Variants in MTSS2 observed in about 807,000 individuals in gnomAD.
MTSS2 encodes protein MTSS 2.
MTSS2 carries 27 observed loss-of-function variants against 67.1 expected under a neutral mutation model. The observed-to-expected ratio is 0.40, with a 90% CI of 0.30 to 0.55. The LOEUF (loss-of-function observed/expected upper bound fraction) is 0.55. MTSS2 is among the 20% of genes least tolerant of loss of function. The pLI is 0.43. For missense variants in MTSS2, 1,171 were observed against 1,067.8 expected (o/e 1.10, Z -1.35); for synonymous variants, 624 against 468.6 (o/e 1.33, Z -4.28).
rs1421435409 is a variant in MTSS2, at chr16:70,679,863, C to T, written c.305G>A (p.Ser102Asn). 6.2e-7 allele frequency: 1 copy of T among 1,602,434 alleles called. No homozygotes were observed. The highest frequency in any genetic ancestry group is 8.5e-7 in the Non-Finnish European group (1 of 1,179,238). Residue 102 changes from serine to asparagine, a missense_variant, in exon 5 of 15, where the codon AGC becomes AAC. Ser to Asn is a conservative substitution (Grantham distance 46). Around this residue, in one of 2 missense-constraint regions of MTSS2, gnomAD observed 247 missense variants for 311.8 expected, o/e 0.79. Transcript: ENST00000338779. ...GCGCTCCTGCAGCGGGTTGATGAGG[C>T]TCTCCAGCAGTGCGCTGCGGAGGGC... Reference protein sequence around the residue: ...LRQFTNALLESLINPLQERIE... With the variant: ...LRQFTNALLENLINPLQERIE...
At chr16:70,678,771 C>T (rs987183086) in intron 7 of MTSS2, among the ~76,000 whole-genome samples, 43 of 152,238 alleles carry the variant, frequency 2.8e-4, no homozygotes, top group African/African-American at 9.9e-4. Flanking sequence ...TCACAAGGTC[C>T]AGGGAGGTGG....
At chr16:70,674,585 G>T (rs2053054966) in intron 10 of MTSS2, 57 bp from the exon 11 acceptor site, 1 of 1,493,034 alleles carries the variant, frequency 6.7e-7, no homozygotes, top group Non-Finnish European at 9.2e-7. Flanking sequence ...AGGGGTGTGT[G>T]TTTGGGGGAG....
chr16:70,665,776 C>T (rs751218252), intron 11 of MTSS2: 35 of 435,554 alleles, frequency 8.0e-5, no homozygotes, highest in Middle Eastern at 6.0e-4. Context: ...CCCAGCCCTG[C>T]GCATTTTGAA....
chr16:70,663,983 G>T lies in MTSS2; in HGVS notation c.1938C>A (p.Gly646=), dbSNP rs899575688. The T allele has an allele frequency of 5.7e-6, 9 of 1,584,268 alleles. No individual in the cohort carries two copies. The highest frequency in any genetic ancestry group is 7.7e-6 in the Non-Finnish European group (9 of 1,166,766). The change falls in exon 15 of 15, where the codon GGC becomes GGA. Residue 646 remains glycine, a synonymous_variant. Transcript: ENST00000338779. ...ACCCGGCTGCCTCTGGGGATGGGCT[G>T]CCCCAGGCTGTGTTGGGCAGGCTGA... ...KRLSLPNTAW[G]SPSPEAAGYP...
At chr16:70,675,766 G>T (rs1481699419) in intron 10 of MTSS2, among the ~76,000 whole-genome samples, 11 of 152,222 alleles carry the variant, frequency 7.2e-5, no homozygotes, top group African/African-American at 2.7e-4. Context: ...TTGCCATCCA[G>T]TCCTAACTGG....
chr16:70,680,889 TG>T, intron 2 of MTSS2, 22 bp from the exon 3 acceptor site: 1 of 1,012,802 alleles, frequency 9.9e-7, no homozygotes, highest in Non-Finnish European at 1.4e-6. Context: ...GACAACGGCA[TG>T]GATGGTCGGT....
chr16:70,680,786 C>T lies in MTSS2; in HGVS notation c.205+8G>A, dbSNP rs1164412776. 6.4e-7 allele frequency: 1 copy of T among 1,551,374 alleles called. No homozygotes were observed. The highest frequency in any genetic ancestry group is 1.4e-5 in the African/African-American group (1 of 73,090). ...GCAACCCCAACCTCCAGCCACGCGCCTCCCCACCTCGGGTGTTGGTAGCCA... is the reference window on the plus strand; with the variant it reads ...GCAACCCCAACCTCCAGCCACGCGCTTCCCCACCTCGGGTGTTGGTAGCCA... On this transcript the variant is annotated splice_region_variant and intron_variant, in intron 3 of 14. Transcript: ENST00000338779.
chr16:70,679,189 GGACC>G, intron 7 of MTSS2, 122 bp downstream of exon 7: 1 of 1,266,864 alleles, frequency 7.9e-7, no homozygotes, highest in Middle Eastern at 2.1e-4. Flanking sequence ...CCTCCCTCGT[GGACC>G]GACCGCCTTC....
chr16:70,683,065 A>C (rs780046223), intron 1 of MTSS2, among the ~76,000 whole-genome samples: 1 of 152,226 alleles, frequency 6.6e-6, no homozygotes, highest in African/African-American at 2.4e-5. Flanking sequence ...CCCCAAGCAC[A>C]GTGGCTGCTC....
chr16:70,668,552 T>G (rs969441750), intron 11 of MTSS2, among the ~76,000 whole-genome samples: 1 of 152,188 alleles, frequency 6.6e-6, no homozygotes, highest in Middle Eastern at 3.2e-3. Context: ...TGACTGATGA[T>G]GAAGGCAGCA....
In MTSS2 at chr16:70,672,634, TA is replaced by T. The variant is rs967709488; in HGVS notation, c.1053+1671del. ...CTAAAATTATTTCAAAATAAAAAGT[TA>T]AAAAAAAAACCCAAACAAAAAACCC... is the stretch of plus-strand genomic sequence containing the variant. On this transcript the variant is annotated intron_variant, in intron 11 of 14. Coordinates refer to ENST00000338779, the MANE Select transcript of MTSS2 (RefSeq NM_138383.3). 1.1e-3 allele frequency among the ~76,000 whole-genome samples: 66 copies of T among 61,634 alleles called. No individual in the cohort carries two copies. In the East Asian group the frequency reaches 0.015, roughly 14 times the overall value. 40.4% of individuals were successfully genotyped at this position (61,634 alleles called of 152,430 possible).
chr16:70,683,776 C>T (rs1215259361), intron 1 of MTSS2, among the ~76,000 whole-genome samples: 1 of 152,182 alleles, frequency 6.6e-6, no homozygotes, highest in Non-Finnish European at 1.5e-5. Context: ...GATGGCCGCC[C>T]TTCCTCTACG....
intron 10 of MTSS2, among the ~76,000 whole-genome samples, chr16:70,676,056 T>A (rs1373912399): frequency 6.6e-6 from 1 of 152,178 alleles, no homozygotes; most frequent in African/African-American, 2.4e-5. Context: ...CTCTCTGAGG[T>A]AGTAGCTGAT....
At chr16:70,680,916 G>GGT in intron 2 of MTSS2, 48 bp downstream of exon 2, 1 of 1,208,020 alleles carries the variant, frequency 8.3e-7, no homozygotes, top group Non-Finnish European at 1.2e-6. Context: ...GGCGGGGGGG[G>GGT]GGCCTCTGCC....
chr16:70,677,913 G>T lies in MTSS2; in HGVS notation c.625-14C>A. The T allele has an allele frequency of 6.4e-7, 1 of 1,569,798 alleles. No homozygotes were observed. Among genetic ancestry groups the T allele is most frequent in the Non-Finnish European group, 8.7e-7 (1 of 1,155,616 alleles). ...CAGCTCTCCATTCTGAGGAAGCAGC[G>T]AGTCAGACCTGCTGGCCCTATCGCC... On this transcript the variant is annotated splice_polypyrimidine_tract_variant and intron_variant, in intron 8 of 14. Coordinates refer to ENST00000338779, the MANE Select transcript of MTSS2 (RefSeq NM_138383.3).
At chr16:70,669,249 G>T (rs1299103851) in intron 11 of MTSS2, among the ~76,000 whole-genome samples, 3 of 136,212 alleles carry the variant, frequency 2.2e-5, no homozygotes, top group Admixed American at 7.5e-5. Flanking sequence ...AAGGAGAGAA[G>T]ATATCCGATG....
Position 70,685,731 on chromosome 16 carries a change from C to A in MTSS2, c.61G>T (p.Asp21Tyr). ...LGGLFQAIVNDMKSSYPIWED... is the reference protein window; with the variant it reads ...LGGLFQAIVNYMKSSYPIWED... ...CGCCGCGCCCCGGTTACCTTCATGT[C>A]GTTGACTATGGCCTGGAAGAGCCCG... The change falls in exon 1 of 15, where the codon GAC becomes TAC. Residue 21 changes from aspartate (D) to tyrosine (Y), a missense_variant. Transcript: ENST00000338779. 2 of 1,367,276 alleles carry A rather than the reference C, an allele frequency of 1.5e-6. No homozygotes were observed. Among genetic ancestry groups the A allele is most frequent in the South Asian group, 2.7e-5 (2 of 73,832 alleles). The allele number at this position is 1,367,276 out of a possible 1,614,324, so 84.7% of individuals were successfully genotyped here. A position where few individuals can be genotyped will look rare whatever the true frequency, so the allele number is the denominator to read the frequency against.
At position 70,663,863 on chromosome 16, in the gene MTSS2, G is replaced by T; in HGVS notation, c.2058C>A (p.His686Gln). ...EKLGELVAGA[H>Q]ALGEGQFPFP... is the part of the protein sequence containing the mutation. ...AGGGGAACTGGCCCTCACCCAGTGC[G>T]TGGGCACCCGCCACCAGCTCCCCCA... Residue 686 changes from histidine to glutamine, a missense_variant, in exon 15 of 15, where the codon CAC becomes CAA. By Grantham distance (24) the His-to-Gln change is conservative. This residue lies in a region of MTSS2 where 924 missense variants were observed against 756.0 expected (regional missense o/e 1.22). Coordinates refer to ENST00000338779, the MANE Select transcript of MTSS2 (RefSeq NM_138383.3). 1 of 1,542,984 alleles carries T rather than the reference G, an allele frequency of 6.5e-7. No individual in the cohort carries two copies. Among genetic ancestry groups the T allele is most frequent in the South Asian group, 1.2e-5 (1 of 83,950 alleles).
In MTSS2 at chr16:70,681,015, G is replaced by C; in HGVS notation, c.80C>G (p.Pro27Arg). The change falls in exon 2 of 15, where the codon CCT (proline) becomes CGT (arginine). Residue 27 changes from proline (P) to arginine (R), a missense_variant. Coordinates refer to ENST00000338779, the MANE Select transcript of MTSS2 (RefSeq NM_138383.3). ...AIVNDMKSSY[P>R]IWEDFNSKAT... Reference sequence around the variant, plus strand: ...CTTGGAGTTGAAGTCCTCCCAGATAGGGTAGGAGCTCTGCCGGGCAAATGG... The same window carrying C: ...CTTGGAGTTGAAGTCCTCCCAGATACGGTAGGAGCTCTGCCGGGCAAATGG... The C allele has an allele frequency of 6.2e-7, 1 of 1,609,980 alleles. No individual in the cohort carries two copies. Among genetic ancestry groups the C allele is most frequent in the Non-Finnish European group, 8.5e-7 (1 of 1,178,608 alleles).
Sources: gnomAD v4.1 joint callset for allele counts (sites outside exome capture counted in the v4.1 genomes callset) on GRCh38, gnomAD v4.1.1 for gene constraint, gnomAD v4.1.1 regional missense constraint, MANE v1.5 for transcripts, NCBI Gene and HGNC (gene_info 2026-07-23, HGNC 2026-07-21) for gene names.